The following TENM2 variants were observed in gnomAD, a reference collection of about 807,000 sequenced individuals.
TENM2 encodes teneurin transmembrane protein 2.
Under a neutral mutation model 245.2 loss-of-function variants are expected in TENM2, and 52 were observed. That is an observed-to-expected ratio of 0.21 (90% CI 0.17 to 0.27). TENM2 has a LOEUF of 0.27. Ranked by LOEUF, TENM2 falls within the 10% of genes least tolerant of loss-of-function variation. TENM2 has a pLI of 1.00. For missense variants in TENM2, 3,046 were observed against 3,666.8 expected (o/e 0.83, Z 4.37); for synonymous variants, 1,363 against 1,438.9 (o/e 0.95, Z 1.19).
intron 1 of TENM2, among the ~76,000 whole-genome samples, chr5:167,344,224 T>A (rs746346315): frequency 7.4e-5 from 11 of 148,552 alleles, no homozygotes; most frequent in Non-Finnish European, 1.6e-4. Context: ...ACTGACTGCA[T>A]AAAGCATTTT....
intron 2 of TENM2, among the ~76,000 whole-genome samples, chr5:167,857,218 T>A (rs1309511217): frequency 6.6e-6 from 1 of 152,244 alleles, no homozygotes; most frequent in Non-Finnish European, 1.5e-5. Context: ...GCAAGATTTA[T>A]CAAGCTGAAT....
chr5:167,225,931 G>A, the TENM2 span, among the ~76,000 whole-genome samples: 2 of 151,718 alleles, frequency 1.3e-5, no homozygotes, highest in Non-Finnish European at 2.9e-5. Context: ...GTTTCCTCTA[G>A]GTTTTCTAGT....
chr5:168,198,831 A>G, intron 15 of TENM2, 22 bp from the exon 18 acceptor site: 1 of 1,608,492 alleles, frequency 6.2e-7, no homozygotes, highest in Non-Finnish European at 8.5e-7. Flanking sequence ...CCCCCTCATC[A>G]GCTCATTTAC....
chr5:168,096,021 C>T (rs1304653139), intron 8 of TENM2, among the ~76,000 whole-genome samples: 1 of 152,152 alleles, frequency 6.6e-6, no homozygotes, highest in Non-Finnish European at 1.5e-5. Context: ...TGAACCCGAG[C>T]CTCTTAGAAT....
chr5:167,012,469 G>A, the TENM2 span, among the ~76,000 whole-genome samples: 2 of 152,208 alleles, frequency 1.3e-5, no homozygotes, highest in African/African-American at 4.8e-5. Flanking sequence ...GATAAGAAAA[G>A]CACAGTGTGT....
intron 2 of TENM2, among the ~76,000 whole-genome samples, chr5:167,640,862 T>TATATATATCCATATATATATATATATCC (rs1779528442): frequency 4.5e-4 from 9 of 19,848 alleles, no homozygotes; most frequent in African/African-American, 1.0e-3. Context: ...TATATATCCA[T>TATATATATCCATATATATATATATATCC]ATATATATAT....
intron 2 of TENM2, among the ~76,000 whole-genome samples, chr5:167,808,485 C>A (rs927381111): frequency 1.3e-5 from 2 of 152,158 alleles, no homozygotes; most frequent in Non-Finnish European, 2.9e-5. Context: ...GTCTCAAACT[C>A]CTGACCTCAG....
chr5:168,204,288 C>G, intron 18 of TENM2, 84 bp from the exon 21 acceptor site: 196 of 1,399,226 alleles, frequency 1.4e-4, no homozygotes, highest in Middle Eastern at 1.8e-4. Context: ...CCTAATTTGT[C>G]TCTTCCCCTC....
chr5:167,384,158 C>G (rs1761270277), intron 2 of TENM2, among the ~76,000 whole-genome samples: 1 of 152,058 alleles, frequency 6.6e-6, no homozygotes, highest in South Asian at 2.1e-4. Flanking sequence ...GATGAATAGA[C>G]AAAAATATTG....
At chr5:167,252,751 C>T in the TENM2 span, among the ~76,000 whole-genome samples, 1 of 152,158 alleles carries the variant, frequency 6.6e-6, no homozygotes, top group African/African-American at 2.4e-5. Context: ...ATTGGCTCAA[C>T]TAAACATTGA....
intron 2 of TENM2, among the ~76,000 whole-genome samples, chr5:167,502,198 A>G (rs1029476632): frequency 1.3e-5 from 2 of 152,218 alleles, no homozygotes; most frequent in African/African-American, 2.4e-5. Flanking sequence ...CACTGTGGCC[A>G]TATTAAGGAT....
At chr5:168,082,305 G>T (rs1792076044) in intron 7 of TENM2, among the ~76,000 whole-genome samples, 1 of 152,106 alleles carries the variant, frequency 6.6e-6, no homozygotes, top group African/African-American at 2.4e-5. Context: ...TCTTCTCTAT[G>T]CTGTTTATTC....
chr5:167,213,722 T>G, the TENM2 span, among the ~76,000 whole-genome samples: 5 of 152,198 alleles, frequency 3.3e-5, no homozygotes, highest in African/African-American at 1.2e-4. Context: ...CTATAAAATA[T>G]TACAAATAAT....
the TENM2 span, among the ~76,000 whole-genome samples, chr5:167,173,942 T>G: frequency 6.6e-6 from 1 of 152,156 alleles, no homozygotes; most frequent in African/African-American, 2.4e-5. Flanking sequence ...CTTAATCTTT[T>G]AAAATGATCC....
chr5:168,179,293 C>T (rs1381835064), intron 13 of TENM2, among the ~76,000 whole-genome samples: 30 of 152,152 alleles, frequency 2.0e-4, no homozygotes, highest in Admixed American at 1.9e-3. Flanking sequence ...TCATAGAACC[C>T]ACCACAAAGG....
the TENM2 span, among the ~76,000 whole-genome samples, chr5:167,267,098 T>A: frequency 6.6e-6 from 1 of 152,192 alleles, no homozygotes; most frequent in South Asian, 2.1e-4. Flanking sequence ...GAGAATGGCA[T>A]GTTATCGTGC....
At chr5:168,056,955 G>C (rs937217635) in intron 6 of TENM2, among the ~76,000 whole-genome samples, 4 of 152,020 alleles carry the variant, frequency 2.6e-5, no homozygotes, top group African/African-American at 9.7e-5. Flanking sequence ...ATCTAGATTT[G>C]TGTGAGTATA....
the TENM2 span, among the ~76,000 whole-genome samples, chr5:167,016,966 G>A: frequency 6.6e-6 from 1 of 152,180 alleles, no homozygotes; most frequent in Non-Finnish European, 1.5e-5. Flanking sequence ...AGTCATTTCT[G>A]GTCTTGTGCC....
chr5:168,167,325 C>A (rs1280912366), intron 13 of TENM2, among the ~76,000 whole-genome samples: 1 of 151,938 alleles, frequency 6.6e-6, no homozygotes, highest in Non-Finnish European at 1.5e-5. Flanking sequence ...GGTGAGGAGG[C>A]GTTGTTAGAC....
Sources: allele counts gnomAD v4.1 joint callset (sites outside exome capture counted in the v4.1 genomes callset), GRCh38; gene constraint gnomAD v4.1.1; transcripts MANE v1.5; gene names NCBI Gene and HGNC (gene_info 2026-07-23, HGNC 2026-07-21).